The following ZNF728 variants were observed in gnomAD, a reference collection of about 807,000 sequenced individuals.
ZNF728 encodes the protein zinc finger protein 728.
Under a neutral mutation model 12.5 loss-of-function variants are expected in ZNF728, and 12 were observed. That is an observed-to-expected ratio of 0.96 (90% CI 0.61 to 1.55). ZNF728 has a LOEUF of 1.55. Ranked by LOEUF, ZNF728 falls within the 40% of genes most tolerant of loss-of-function variation. The pLI is 0.00. For missense variants in ZNF728, 692 were observed against 719.2 expected, an observed-to-expected ratio of 0.96 and a Z score of 0.43; for synonymous variants, 205 against 240.7, an observed-to-expected ratio of 0.85 and a Z score of 1.37.
intron 3 of ZNF728, chr19:22,985,858 G>C (rs1279699045): frequency 6.5e-6 from 1 of 153,016 alleles, no homozygotes; most frequent in Non-Finnish European, 1.5e-5. Flanking sequence ...AGTGACCTCA[G>C]AAATCCTCTC....
At position 22,989,217 on chromosome 19, in the gene ZNF728, A is replaced by T. The variant is rs79927618; in HGVS notation, c.4-766T>A. On this transcript the variant is annotated intron_variant, in intron 1 of 3. Coordinates refer to ENST00000594710, the MANE Select transcript of ZNF728 (RefSeq NM_001267716.2). Reference sequence around the variant, plus strand: ...GGAGATCCCATTAATGCAGATTATTATTTTTTTTTTTCAGAACATCAGGGA... The same window carrying T: ...GGAGATCCCATTAATGCAGATTATTTTTTTTTTTTTTCAGAACATCAGGGA... 1.5e-3 allele frequency among the ~76,000 whole-genome samples: 217 copies of T among 149,016 alleles called. 2 individuals are homozygous for T. Among genetic ancestry groups the T allele is most frequent in the Middle Eastern group, 0.014 (4 of 284 alleles).
At chr19:22,999,508 G>T (rs1969084399) in intron 1 of ZNF728, among the ~76,000 whole-genome samples, 1 of 151,926 alleles carries the variant, frequency 6.6e-6, no homozygotes, top group Non-Finnish European at 1.5e-5. Context: ...GAACTAACTG[G>T]GCCTTTAATA....
chr19:22,992,051 A>G (rs73553437), intron 1 of ZNF728, among the ~76,000 whole-genome samples: 1 of 152,210 alleles, frequency 6.6e-6, no homozygotes, highest in Non-Finnish European at 1.5e-5. Flanking sequence ...AATAACAATG[A>G]CGACTCTTCT....
At chr19:22,985,833 T>C (rs553244698) in intron 3 of ZNF728, 3 of 153,156 alleles carry the variant, frequency 2.0e-5, no homozygotes, top group Middle Eastern at 3.3e-3. Context: ...CAGTTCTGCC[T>C]ATGTAGAAAT....
intron 1 of ZNF728, among the ~76,000 whole-genome samples, chr19:22,990,114 T>C (rs1433571410): frequency 6.6e-6 from 1 of 152,196 alleles, no homozygotes. Flanking sequence ...ACTTTGACTA[T>C]TGTAAGAATT....
intron 3 of ZNF728, among the ~76,000 whole-genome samples, chr19:22,979,560 T>C (rs1264580255): frequency 6.6e-6 from 1 of 151,954 alleles, no homozygotes; most frequent in Non-Finnish European, 1.5e-5. Context: ...AGACACATAA[T>C]TGTCAGATTC....
chr19:22,995,858 A>C (rs1969044400), intron 1 of ZNF728: 1 of 152,252 alleles, frequency 6.6e-6, no homozygotes, highest in Non-Finnish European at 1.5e-5. Flanking sequence ...TTTATAAAAA[A>C]TTGAAATCTG....
chr19:22,976,368 C>G lies in ZNF728; in HGVS notation c.969G>C (p.Arg323=). 1 of 1,611,106 alleles carries G rather than the reference C, an allele frequency of 6.2e-7. No individual in the cohort carries two copies. The highest frequency in any genetic ancestry group is 8.5e-7 in the Non-Finnish European group (1 of 1,179,466). The stretch of plus-strand genomic sequence containing the variant: ...TCTTATGTTCCATAAGGTTTGAGGA[C>G]CGGTTGAAAGCTTTGCCACATTCTT... The part of the protein sequence containing the change: ...KCEECGKAFN[R]SSNLMEHKRI... The change falls in exon 4 of 4, where the codon CGG becomes CGC. Residue 323 remains arginine, a synonymous_variant. Transcript: ENST00000594710.
At position 22,988,353 on chromosome 19, in the gene ZNF728, T is replaced by C. The variant is rs780747224; in HGVS notation, c.102A>G (p.Leu34=). ...GGAAGACCAGGTTTCTGTAGTTCTC[T>C]AACATCACATTCCTATATAAATTCT... ...AQQNLYRNVM[L]ENYRNLVFLG... is the part of the protein sequence containing the mutation. The change falls in exon 2 of 4, where the codon TTA becomes TTG. Residue 34 remains leucine, a synonymous_variant. Transcript: ENST00000594710. 7 of 1,614,198 alleles carry C rather than the reference T, an allele frequency of 4.3e-6. No homozygotes were observed. The South Asian group carries it at 6.6e-5, about 15-fold the overall frequency.
At position 22,988,409 on chromosome 19, in the gene ZNF728, C is replaced by G. The variant is rs1419304214; in HGVS notation, c.46G>C (p.Glu16Gln). 1.2e-6 allele frequency: 2 copies of G among 1,614,102 alleles called. No homozygotes were observed. The highest frequency in any genetic ancestry group is 1.7e-6 in the Non-Finnish European group (2 of 1,179,986). Residue 16 changes from glutamate to glutamine, a missense_variant, in exon 2 of 4, where the codon GAG (glutamate) becomes CAG (glutamine). Physicochemically the swap from Glu to Gln is conservative, Grantham distance 29 (BLOSUM62 2). Coordinates refer to ENST00000594710, the MANE Select transcript of ZNF728 (RefSeq NM_001267716.2). ...FRDVAIQFSLEEWQCLDTAQQ... is the reference protein window; with the variant it reads ...FRDVAIQFSLQEWQCLDTAQQ... Reference sequence around the variant, plus strand: ...GCAGTGTCCAGGCATTGCCACTCCTCCAGAGAGAATTGTATGGCCACATCC... The same window carrying G: ...GCAGTGTCCAGGCATTGCCACTCCTGCAGAGAGAATTGTATGGCCACATCC...
intron 3 of ZNF728, among the ~76,000 whole-genome samples, chr19:22,982,948 T>C (rs557266476): frequency 2.6e-4 from 39 of 152,104 alleles, no homozygotes; most frequent in Non-Finnish European, 4.7e-4. Context: ...GACACAGGCA[T>C]GGGCAAAGAC....
Position 22,988,452 on chromosome 19 carries a change from C to A in ZNF728, c.4-1G>T, listed in dbSNP as rs1241695801. 1.2e-6 allele frequency: 2 copies of A among 1,613,826 alleles called. No homozygotes were observed. The highest frequency in any genetic ancestry group is 3.3e-5 in the Admixed American group (2 of 59,974). On this transcript the variant is annotated splice_acceptor_variant, in intron 1 of 3. Transcript: ENST00000594710. LOFTEE classifies it high-confidence loss of function. ...CCACATCCCGAAATGTCAACGATCC[C>A]TGGAAAACACACACAAACACACATA... is the stretch of plus-strand genomic sequence containing the variant.
chr19:22,982,109 A>G (rs1404480501), intron 3 of ZNF728, among the ~76,000 whole-genome samples: 1 of 152,016 alleles, frequency 6.6e-6, no homozygotes, highest in African/African-American at 2.4e-5. Context: ...TGCAGATGAC[A>G]TGATTTAGAA....
intron 1 of ZNF728, among the ~76,000 whole-genome samples, chr19:22,990,229 A>G (rs1211954636): frequency 6.6e-6 from 1 of 152,068 alleles, no homozygotes; most frequent in African/African-American, 2.4e-5. Context: ...CAGAGTGGAC[A>G]CAGATCTTGA....
At position 22,975,731 on chromosome 19, in the gene ZNF728, A is replaced by G; in HGVS notation, c.1606T>C (p.Tyr536His). The G allele has an allele frequency of 6.2e-7, 1 of 1,611,724 alleles. No individual in the cohort carries two copies. ...GCTTTGCCACATTCTTCACATTTGTATTGTTTCTCTCCAGTATGAATTACC... is the reference window on the plus strand; with the variant it reads ...GCTTTGCCACATTCTTCACATTTGTGTTGTTTCTCTCCAGTATGAATTACC... ...HKVIHTGEKQ[Y>H]KCEECGKAFI... is the part of the protein sequence containing the mutation. Residue 536 changes from tyrosine to histidine, a missense_variant, in exon 4 of 4, where the codon TAC (tyrosine) becomes CAC (histidine). Physicochemically the swap from Tyr to His is moderately conservative, Grantham distance 83. Around this residue, in one of 3 missense-constraint regions of ZNF728, gnomAD observed 244 missense variants for 235.2 expected, o/e 1.04. Transcript: ENST00000594710.
chr19:22,980,804 TAA>T (rs1968853619), intron 3 of ZNF728, among the ~76,000 whole-genome samples: 1 of 151,746 alleles, frequency 6.6e-6, no homozygotes, highest in Non-Finnish European at 1.5e-5. Flanking sequence ...AAAGCAGAAA[TAA>T]AAAAGTTCTT....
At chr19:22,992,082 G>A (rs1263700173) in intron 1 of ZNF728, among the ~76,000 whole-genome samples, 4 of 152,072 alleles carry the variant, frequency 2.6e-5, no homozygotes, top group African/African-American at 9.7e-5. Context: ...GTAGACATCA[G>A]AAGCCACAAT....
chr19:23,000,798 G>A (rs908826490), intron 1 of ZNF728, among the ~76,000 whole-genome samples: 15 of 147,516 alleles, frequency 1.0e-4, no homozygotes, highest in Non-Finnish European at 1.8e-4. Context: ...AACTCGTGAT[G>A]CAGAGGTTGC....
intron 1 of ZNF728, among the ~76,000 whole-genome samples, chr19:22,993,870 A>C (rs1221085875): frequency 6.6e-6 from 1 of 152,210 alleles, no homozygotes; most frequent in Non-Finnish European, 1.5e-5. Context: ...TGATAACTAA[A>C]AGGACTTGCA....
Sources: allele counts gnomAD v4.1 joint callset (sites outside exome capture counted in the v4.1 genomes callset), GRCh38; gene constraint gnomAD v4.1.1; regional missense constraint gnomAD v4.1.1; transcripts MANE v1.5; gene names NCBI Gene and HGNC (gene_info 2026-07-23, HGNC 2026-07-21).